The following PRKCQ variants were observed in gnomAD, a reference collection of about 807,000 sequenced individuals.
The protein encoded by PRKCQ is protein kinase C theta type.
A neutral mutation model predicts 91.2 loss-of-function variants in PRKCQ; 41 were observed. The ratio of observed to expected loss-of-function variants is 0.45; its 90% CI spans 0.35 to 0.58. The LOEUF (loss-of-function observed/expected upper bound fraction) is 0.58. PRKCQ is among the 20% of genes least tolerant of loss of function. PRKCQ has a pLI of 0.00. For missense variants in PRKCQ, 673 were observed against 896.5 expected (o/e 0.75, Z 3.18); for synonymous variants, 307 against 316.9 (o/e 0.97, Z 0.33).
At chr10:6,569,164 C>T (rs770009880) in intron 1 of PRKCQ, among the ~76,000 whole-genome samples, 55 of 152,138 alleles carry the variant, frequency 3.6e-4, no homozygotes, top group Non-Finnish European at 6.9e-4. Flanking sequence ...GCACCTACTA[C>T]GTGTCAGACA....
intron 1 of PRKCQ, among the ~76,000 whole-genome samples, chr10:6,571,665 G>C (rs1238845805): frequency 1.3e-5 from 2 of 152,124 alleles, no homozygotes; most frequent in Non-Finnish European, 2.9e-5. Flanking sequence ...AATTAACCAG[G>C]TGTGGTGGTG....
chr10:6,546,113 G>A (rs1270453020), intron 1 of PRKCQ, among the ~76,000 whole-genome samples: 15 of 152,222 alleles, frequency 9.9e-5, no homozygotes, highest in Non-Finnish European at 2.9e-5. Flanking sequence ...CCTACAGCTA[G>A]TAAGTGGGAT....
intron 15 of PRKCQ, among the ~76,000 whole-genome samples, chr10:6,448,230 A>T (rs1387975227): frequency 6.6e-6 from 1 of 152,256 alleles, no homozygotes; most frequent in East Asian, 1.9e-4. Flanking sequence ...GATGGGGAGA[A>T]GCTCAATGGA....
At chr10:6,539,283 G>A (rs1033633926) in intron 1 of PRKCQ, among the ~76,000 whole-genome samples, 2 of 152,054 alleles carry the variant, frequency 1.3e-5, no homozygotes, top group African/African-American at 2.4e-5. Context: ...TTAGAGCAGG[G>A]GTCCTCCAGC....
chr10:6,508,075 T>G (rs1295203612), intron 3 of PRKCQ, among the ~76,000 whole-genome samples: 1 of 152,188 alleles, frequency 6.6e-6, no homozygotes, highest in Non-Finnish European at 1.5e-5. Flanking sequence ...ATTACACTGA[T>G]CTGGGAAGGA....
intron 1 of PRKCQ, among the ~76,000 whole-genome samples, chr10:6,568,100 TG>T (rs1333958665): frequency 6.6e-6 from 1 of 152,102 alleles, no homozygotes; most frequent in Non-Finnish European, 1.5e-5. Context: ...TATCCAGGCA[TG>T]GTGCTGTGAG....
rs59332928 is a variant in PRKCQ at position 6,564,823 on chromosome 10, G to C, written c.-10+15388C>G. On this transcript the variant is annotated intron_variant, in intron 1 of 17. Coordinates refer to ENST00000263125, the MANE Select transcript of PRKCQ (RefSeq NM_006257.5). ...GGTCAAATAAACAATGTCAAATAAA[G>C]AATAAACTCCCCGCTGACAATTTCA... Among the ~76,000 whole-genome samples, 16 of 152,212 alleles carry C rather than the reference G, an allele frequency of 1.1e-4. No individual in the cohort carries two copies. In the East Asian group the frequency reaches 3.1e-3, roughly 29 times the overall value.
intron 1 of PRKCQ, among the ~76,000 whole-genome samples, chr10:6,575,595 A>C (rs770633867): frequency 6.6e-6 from 1 of 152,198 alleles, no homozygotes; most frequent in African/African-American, 2.4e-5. Context: ...TCTACACTAG[A>C]AAAAGGTGTA....
chr10:6,466,728 G>A (rs1349456396), intron 12 of PRKCQ, among the ~76,000 whole-genome samples: 1 of 152,190 alleles, frequency 6.6e-6, no homozygotes, highest in East Asian at 1.9e-4. Flanking sequence ...TAAACAGCTG[G>A]GGAAGGAGAG....
At chr10:6,424,711 G>A (rs1833077005), downstream of PRKCQ, among the ~76,000 whole-genome samples, 1 of 152,014 alleles carries the variant, frequency 6.6e-6, no homozygotes, top group Non-Finnish European at 1.5e-5. Context: ...GCTGATTTAC[G>A]ACTTCTTCCT....
chr10:6,420,409 T>G, the PRKCQ span, among the ~76,000 whole-genome samples: 1 of 152,202 alleles, frequency 6.6e-6, no homozygotes, highest in Non-Finnish European at 1.5e-5. Context: ...TAACTTCTTT[T>G]CATAATCACT....
Position 6,535,957 on chromosome 10 carries a change from G to A in PRKCQ, c.-9-20813C>T, listed in dbSNP as rs370650693. On this transcript the variant is annotated intron_variant, in intron 1 of 17. Coordinates refer to ENST00000263125, the MANE Select transcript of PRKCQ (RefSeq NM_006257.5). ...AGGAGCACCACCCTAGGGCAGCCAT[G>A]GCAGTGGATCACAAGCCCTCTTCCT... is the stretch of plus-strand genomic sequence containing the variant. Among the ~76,000 whole-genome samples, 35 of 152,236 alleles carry A rather than the reference G, an allele frequency of 2.3e-4. No individual in the cohort carries two copies. The East Asian group carries it at 6.2e-3, about 27-fold the overall frequency.
In PRKCQ at chr10:6,456,820, A is replaced by C; in HGVS notation, c.1509-8T>G. 6.2e-7 allele frequency: 1 copy of C among 1,613,464 alleles called. No homozygotes were observed. Among genetic ancestry groups the C allele is most frequent in the South Asian group, 1.1e-5 (1 of 90,956 alleles). ...TTATCTAGCTTCAGGTCCCTGAAAAACAAAAGTGAAGCAAATCTCACATTA... is the reference window on the plus strand; with the variant it reads ...TTATCTAGCTTCAGGTCCCTGAAAACCAAAAGTGAAGCAAATCTCACATTA... On this transcript the variant is annotated splice_polypyrimidine_tract_variant and splice_region_variant and intron_variant, in intron 14 of 17. Transcript: ENST00000263125.
At chr10:6,539,352 G>A (rs1839694896) in intron 1 of PRKCQ, among the ~76,000 whole-genome samples, 1 of 152,098 alleles carries the variant, frequency 6.6e-6, no homozygotes, top group Non-Finnish European at 1.5e-5. Context: ...TGCACAGCAG[G>A]CGGTGAGTGA....
chr10:6,554,174 C>T (rs1040678315), intron 1 of PRKCQ, among the ~76,000 whole-genome samples: 3 of 152,064 alleles, frequency 2.0e-5, no homozygotes, highest in African/African-American at 4.8e-5. Context: ...AACCCACGAC[C>T]GTCAGGAAGA....
downstream of PRKCQ, among the ~76,000 whole-genome samples, chr10:6,425,156 T>A (rs144673361): frequency 1.3e-5 from 2 of 152,134 alleles, no homozygotes; most frequent in African/African-American, 4.8e-5. Context: ...GAGTTCTGGG[T>A]TCAAGTCTCC....
intron 1 of PRKCQ, among the ~76,000 whole-genome samples, chr10:6,550,622 G>A (rs1840146318): frequency 6.6e-6 from 1 of 152,210 alleles, no homozygotes; most frequent in Non-Finnish European, 1.5e-5. Flanking sequence ...ATCTGTTGAT[G>A]GATATGTGGG....
chr10:6,558,838 GT>G (rs1840516414), intron 1 of PRKCQ, among the ~76,000 whole-genome samples: 1 of 152,210 alleles, frequency 6.6e-6, no homozygotes, highest in African/African-American at 2.4e-5. Flanking sequence ...TATCCTTAGG[GT>G]GTAAGAGAAG....
rs140272101 is a variant in PRKCQ at position 6,430,360 on chromosome 10, G to A, written c.1965+450C>T. On this transcript the variant is annotated intron_variant, in intron 17 of 17. Transcript: ENST00000263125. The surrounding 1 kb of genome is among the most constrained non-coding windows in gnomAD (Gnocchi z 4.7). ...CTAACAATTACCCTTAGGAAATGTCGTTATATGAGCACTTTACAGATACTT... is the reference window on the plus strand; with the variant it reads ...CTAACAATTACCCTTAGGAAATGTCATTATATGAGCACTTTACAGATACTT... 7.6e-4 allele frequency among the ~76,000 whole-genome samples: 115 copies of A among 152,220 alleles called. No homozygotes were observed. Among genetic ancestry groups the A allele is most frequent in the Non-Finnish European group, 1.5e-3 (100 of 68,028 alleles).
Sources: gnomAD v4.1 joint callset for allele counts (sites outside exome capture counted in the v4.1 genomes callset) on GRCh38, gnomAD v4.1.1 for gene constraint, Gnocchi (gnomAD v3.1) non-coding constraint, MANE v1.5 for transcripts, NCBI Gene and HGNC (gene_info 2026-07-23, HGNC 2026-07-21) for gene names.